The following NEIL2 variants were observed in gnomAD, a reference collection of about 807,000 sequenced individuals.
NEIL2 encodes the protein endonuclease 8-like 2.
A neutral mutation model predicts 22.2 loss-of-function variants in NEIL2; 23 were observed. The observed-to-expected ratio is 1.04, with a 90% CI of 0.75 to 1.47. The LOEUF (loss-of-function observed/expected upper bound fraction) is 1.47. NEIL2 is among the 40% of genes most tolerant of loss of function. The pLI is 0.00. For missense variants in NEIL2, 583 were observed against 404.7 expected, an observed-to-expected ratio of 1.44 and a Z score of -3.78; for synonymous variants, 229 against 164.8, an observed-to-expected ratio of 1.39 and a Z score of -2.99.
At chr8:11,782,300 C>T (rs1008986876) in intron 3 of NEIL2, among the ~76,000 whole-genome samples, 6 of 152,186 alleles carry the variant, frequency 3.9e-5, no homozygotes, top group Non-Finnish European at 8.8e-5. Context: ...TGGTATGCAC[C>T]TGTAATCCCA....
At chr8:11,774,648 A>G (rs1221629260) in intron 2 of NEIL2, among the ~76,000 whole-genome samples, 2 of 152,222 alleles carry the variant, frequency 1.3e-5, no homozygotes, top group Non-Finnish European at 2.9e-5. Flanking sequence ...GTCTCATCTG[A>G]GACAAGGCAG....
chr8:11,785,502 T>A (rs1371926013), intron 4 of NEIL2, among the ~76,000 whole-genome samples: 2 of 152,202 alleles, frequency 1.3e-5, no homozygotes, highest in Non-Finnish European at 2.9e-5. Context: ...TTTTAAATAA[T>A]AACAACAGTT....
At position 11,772,086 on chromosome 8, in the gene NEIL2, C is replaced by G. The variant is rs541479868; in HGVS notation, c.138+501C>G. ...GGTGTGGTGGTGGGCGCCTGTAATC[C>G]CAGCTGCTCGGGAAGCTGAGGCAGG... On this transcript the variant is annotated intron_variant, in intron 2 of 4. Transcript: ENST00000284503. Among the ~76,000 whole-genome samples the G allele has an allele frequency of 1.4e-4, 21 of 152,160 alleles. No individual in the cohort carries two copies. The East Asian group carries it at 2.7e-3, about 20-fold the overall frequency.
Position 11,775,637 on chromosome 8 carries a change from T to A in NEIL2, c.139-3961T>A, listed in dbSNP as rs1803847787. On this transcript the variant is annotated intron_variant, in intron 2 of 4. Coordinates refer to ENST00000284503, the MANE Select transcript of NEIL2 (RefSeq NM_145043.4). ...TCTACTGCATCATCAGGCTGCAAAT[T>A]TTTCAAACTTCTGTGCTCTGCTTCC... Among the ~76,000 whole-genome samples, 3 of 152,318 alleles carry A rather than the reference T, an allele frequency of 2.0e-5. No individual in the cohort carries two copies. The South Asian group carries it at 6.2e-4, about 32-fold the overall frequency.
At chr8:11,778,943 GAAAAAAAAAAAA>G (rs57173797) in intron 2 of NEIL2, among the ~76,000 whole-genome samples, 4 of 44,498 alleles carry the variant, frequency 9.0e-5, no homozygotes, top group African/African-American at 3.6e-4. Context: ...GACTCCATCT[GAAAAAAAAAAAA>G]AAAAAAAAAA....
chr8:11,777,221 G>A (rs1803983438), intron 2 of NEIL2, among the ~76,000 whole-genome samples: 1 of 151,338 alleles, frequency 6.6e-6, no homozygotes, highest in African/African-American at 2.4e-5. Context: ...TCGATCTCCT[G>A]GGCTCAAGCA....
At chr8:11,771,295 G>A (rs1031584251) in intron 1 of NEIL2, among the ~76,000 whole-genome samples, 151 bp from the exon 2 acceptor site, 3 of 152,104 alleles carry the variant, frequency 2.0e-5, no homozygotes, top group African/African-American at 7.2e-5. Flanking sequence ...TGATCTGACC[G>A]CCTCCCAGCC....
chr8:11,773,404 G>T (rs1313371657), intron 2 of NEIL2, among the ~76,000 whole-genome samples: 7 of 152,160 alleles, frequency 4.6e-5, no homozygotes, highest in Non-Finnish European at 7.3e-5. Flanking sequence ...TCTCCCTGTC[G>T]GCGGGTCCCT....
intron 4 of NEIL2, among the ~76,000 whole-genome samples, chr8:11,784,825 G>A (rs529545350): frequency 1.3e-5 from 2 of 152,124 alleles, no homozygotes; most frequent in Non-Finnish European, 2.9e-5. Flanking sequence ...TAAGATAACA[G>A]CTCCCGAAAC....
At chr8:11,777,101 C>T (rs945234387) in intron 2 of NEIL2, among the ~76,000 whole-genome samples, 4 of 152,112 alleles carry the variant, frequency 2.6e-5, no homozygotes, top group Non-Finnish European at 4.4e-5. Flanking sequence ...GGCCAGCTTC[C>T]CCTCATCATG....
chr8:11,786,278 C>A lies in NEIL2; in HGVS notation c.*5C>A. On this transcript the variant is annotated 3_prime_UTR_variant, in exon 5 of 5. Coordinates refer to ENST00000284503, the MANE Select transcript of NEIL2 (RefSeq NM_145043.4). ...GAGCAGTGCCAGTTCTCCTAAGGAG[C>A]TGGTGGTGCTCCTCACGGAACCTTG... 1 of 1,609,072 alleles carries A rather than the reference C, an allele frequency of 6.2e-7. No homozygotes were observed. Among genetic ancestry groups the A allele is most frequent in the Non-Finnish European group, 8.5e-7 (1 of 1,179,024 alleles).
In NEIL2 at chr8:11,779,800, A is replaced by G. The variant is rs1344156792; in HGVS notation, c.341A>G (p.Asp114Gly). 1 of 1,613,864 alleles carries G rather than the reference A, an allele frequency of 6.2e-7. No homozygotes were observed. Among genetic ancestry groups the G allele is most frequent in the Non-Finnish European group, 8.5e-7 (1 of 1,179,996 alleles). ...SAELVPQGED[D>G]SEYLERDAPA... ...GAGCTCGTCCCCCAGGGCGAGGATGATTCTGAGTATTTGGAGAGAGACGCC... is the reference window on the plus strand; with the variant it reads ...GAGCTCGTCCCCCAGGGCGAGGATGGTTCTGAGTATTTGGAGAGAGACGCC... Residue 114 changes from aspartate to glycine, a missense_variant, in exon 3 of 5, where the codon GAT becomes GGT. Asp to Gly is a moderately conservative substitution (Grantham distance 94). Coordinates refer to ENST00000284503, the MANE Select transcript of NEIL2 (RefSeq NM_145043.4).
At chr8:11,781,447 A>C (rs1157163965) in intron 3 of NEIL2, among the ~76,000 whole-genome samples, 1 of 152,196 alleles carries the variant, frequency 6.6e-6, no homozygotes, top group African/African-American at 2.4e-5. Context: ...AGAGCAGATC[A>C]TTTTTAGAAG....
Position 11,783,324 on chromosome 8 carries a change from C to G in NEIL2, c.613C>G (p.Gln205Glu). 1.9e-6 allele frequency: 3 copies of G among 1,614,236 alleles called. No individual in the cohort carries two copies. Among genetic ancestry groups the G allele is most frequent in the Non-Finnish European group, 2.5e-6 (3 of 1,180,040 alleles). Residue 205 changes from glutamine (Q) to glutamate (E), a missense_variant, in exon 4 of 5, where the codon CAA becomes GAA. Gln to Glu is a conservative substitution (Grantham distance 29, BLOSUM62 2). Transcript: ENST00000284503. Reference protein sequence around the residue: ...DILSEKFHRGQALEALGQAQP... With the variant: ...DILSEKFHRGEALEALGQAQP... The stretch of plus-strand genomic sequence containing the variant: ...CCTGTCTGAGAAGTTCCATCGAGGA[C>G]AAGCCTTAGAAGCTCTAGGCCAGGC...
At position 11,769,832 on chromosome 8, in the gene NEIL2, G is replaced by A. The variant is rs1430235710; in HGVS notation, c.-506G>A. 1 of 152,396 alleles carries A rather than the reference G, an allele frequency of 6.6e-6. No homozygotes were observed. The highest frequency in any genetic ancestry group is 1.5e-5 in the Non-Finnish European group (1 of 68,196). 9.4% of individuals were successfully genotyped at this position (152,396 alleles called of 1,614,324 possible). ...CGCCCTCCGGTAGATCTGCGGCCTG[G>A]CGGAGAAGTCGGGAGGGGACAGGAA... is the stretch of plus-strand genomic sequence containing the variant. On this transcript the variant is annotated 5_prime_UTR_variant, in exon 1 of 5. Transcript: ENST00000284503.
chr8:11,780,207 G>T (rs913395548), intron 3 of NEIL2, among the ~76,000 whole-genome samples: 4 of 152,188 alleles, frequency 2.6e-5, no homozygotes, highest in East Asian at 1.9e-4. Flanking sequence ...TGGCACTTGA[G>T]GGGGGACTGT....
chr8:11,776,559 C>T (rs1379703128), intron 2 of NEIL2, among the ~76,000 whole-genome samples: 2 of 152,146 alleles, frequency 1.3e-5, no homozygotes, highest in Non-Finnish European at 2.9e-5. Flanking sequence ...GAGAGTATTC[C>T]TAGGAGTGGA....
chr8:11,772,162 T>A (rs1165268418), intron 2 of NEIL2, among the ~76,000 whole-genome samples: 2 of 152,212 alleles, frequency 1.3e-5, no homozygotes, highest in East Asian at 3.9e-4. Context: ...GAGATTGTGC[T>A]ACTGCACTCC....
intron 4 of NEIL2, among the ~76,000 whole-genome samples, 159 bp from the exon 5 acceptor site, chr8:11,785,804 C>G (rs1347362299): frequency 1.3e-5 from 2 of 152,176 alleles, no homozygotes; most frequent in Non-Finnish European, 2.9e-5. Context: ...GAATTGTCAA[C>G]TCCATTTTAC....
Sources: gnomAD v4.1 joint callset for allele counts (sites outside exome capture counted in the v4.1 genomes callset) on GRCh38, gnomAD v4.1.1 for gene constraint, MANE v1.5 for transcripts, NCBI Gene and HGNC (gene_info 2026-07-23, HGNC 2026-07-21) for gene names.